GPC6: variants seen among roughly 807,000 people sequenced by gnomAD.
GPC6 encodes the protein glypican 6.
In GPC6, 14 loss-of-function variants were observed where a neutral mutation model predicts 55.2. The observed-to-expected ratio is 0.25, with a 90% CI of 0.17 to 0.40. The LOEUF is 0.40. GPC6 is among the 10% of genes least tolerant of loss of function. The pLI is 1.00. For synonymous variants in GPC6, 278 were observed against 259.6 expected (o/e 1.07, Z -0.68); for missense variants, 641 against 708.5 (o/e 0.90, Z 1.08).
intron 2 of GPC6, among the ~76,000 whole-genome samples, chr13:93,692,200 A>G (rs1331893360): frequency 6.6e-6 from 1 of 152,106 alleles, no homozygotes; most frequent in East Asian, 1.9e-4. Flanking sequence ...TGCGACCTGA[A>G]ATTACAATTT....
Position 94,401,684 on chromosome 13 carries a change from C to T in GPC6, c.1466-1331C>T, listed in dbSNP as rs189301158. Among the ~76,000 whole-genome samples the T allele has an allele frequency of 3.7e-3, 562 of 152,170 alleles. 2 individuals are homozygous for T. Among genetic ancestry groups the T allele is most frequent in the Middle Eastern group, 0.02 (6 of 294 alleles). ...AACGGGTAGTTGGATTCTAATAAAA[C>T]TTCATATATGGATGCTGAAATGTGA... On this transcript the variant is annotated intron_variant, in intron 8 of 8. Coordinates refer to ENST00000377047, the MANE Select transcript of GPC6 (RefSeq NM_005708.5).
intron 4 of GPC6, among the ~76,000 whole-genome samples, chr13:94,030,702 C>T (rs1484230387): frequency 1.3e-5 from 2 of 152,156 alleles, no homozygotes; most frequent in Non-Finnish European, 2.9e-5. Flanking sequence ...CTGTCAGTTG[C>T]ATGTACCTTC....
At chr13:93,749,182 T>A (rs982790345) in intron 2 of GPC6, among the ~76,000 whole-genome samples, 3 of 152,066 alleles carry the variant, frequency 2.0e-5, no homozygotes, top group Non-Finnish European at 4.4e-5. Context: ...TTATTATTTT[T>A]AATCCTGGAA....
intron 2 of GPC6, among the ~76,000 whole-genome samples, chr13:93,732,511 T>C (rs999243781): frequency 2.6e-4 from 39 of 152,172 alleles, no homozygotes; most frequent in Non-Finnish European, 4.6e-4. Context: ...CCAGCAGTCA[T>C]AGAGTTTTGT....
chr13:93,830,308 G>A lies in GPC6; in HGVS notation c.474G>A (p.Glu158=), dbSNP rs759835794. Residue 158 remains glutamate, a synonymous_variant, in exon 3 of 9, where the codon GAG becomes GAA. Transcript: ENST00000377047. The part of the protein sequence containing the change: ...RYYTGGNVNL[E]EMLNDFWARL... ...ACACTGGGGGTAATGTGAATCTGGA[G>A]GAAATGCTCAATGACTTTTGGGCTC... is the stretch of plus-strand genomic sequence containing the variant. 2.5e-6 allele frequency: 4 copies of A among 1,614,046 alleles called. No individual in the cohort carries two copies. In the Admixed American group the frequency reaches 6.7e-5, roughly 27 times the overall value.
chr13:93,377,010 A>C (rs181507090), intron 1 of GPC6, among the ~76,000 whole-genome samples: 4 of 152,300 alleles, frequency 2.6e-5, no homozygotes, highest in Admixed American at 1.3e-4. Flanking sequence ...TTATGTTCTG[A>C]AATCTTGCCT....
chr13:94,032,796 A>G (rs1466581474), intron 4 of GPC6, among the ~76,000 whole-genome samples: 1 of 152,202 alleles, frequency 6.6e-6, no homozygotes, highest in Non-Finnish European at 1.5e-5. Context: ...CTTCTTTTCA[A>G]ACTTGCCAAT....
intron 2 of GPC6, among the ~76,000 whole-genome samples, chr13:93,553,709 A>C (rs1260079062): frequency 6.6e-5 from 10 of 150,754 alleles, no homozygotes; most frequent in Non-Finnish European, 4.4e-5. Flanking sequence ...AAAAAAAAAA[A>C]AAAAAAAGGA....
rs1410005061 is a variant in GPC6, at chr13:93,353,297, C to T, written c.160+125681C>T. Among the ~76,000 whole-genome samples the T allele has an allele frequency of 3.9e-5, 6 of 152,218 alleles. No homozygotes were observed. In the East Asian group the frequency reaches 1.2e-3, roughly 29 times the overall value. On this transcript the variant is annotated intron_variant, in intron 1 of 8. Coordinates refer to ENST00000377047, the MANE Select transcript of GPC6 (RefSeq NM_005708.5). ...TAGATGCCTTCACCTGGAGGAGTAG[C>T]TAGAAAACAGTGAGTCTGAGGACTG...
Position 93,337,556 on chromosome 13 carries a change from G to A in GPC6, c.160+109940G>A, listed in dbSNP as rs144455495. Among the ~76,000 whole-genome samples, 17 of 152,090 alleles carry A rather than the reference G, an allele frequency of 1.1e-4. No homozygotes were observed. The East Asian group carries it at 1.2e-3, about 10-fold the overall frequency. On this transcript the variant is annotated intron_variant, in intron 1 of 8. Transcript: ENST00000377047. ...CGAGATATTCAATAATTTGTCTAAGGCCATATAGACAGGATATGGTAGAGG... is the reference window on the plus strand; with the variant it reads ...CGAGATATTCAATAATTTGTCTAAGACCATATAGACAGGATATGGTAGAGG...
intron 1 of GPC6, among the ~76,000 whole-genome samples, chr13:93,472,492 C>T (rs11617476): frequency 0.15 from 22,160 of 152,214 alleles, 1,846 homozygotes; most frequent in Non-Finnish European, 0.19. Context: ...GCATGGGCGC[C>T]GGCTCTCCAA....
chr13:93,853,864 A>G (rs1218588235), intron 3 of GPC6, among the ~76,000 whole-genome samples: 3 of 151,712 alleles, frequency 2.0e-5, no homozygotes, highest in Non-Finnish European at 4.4e-5. Flanking sequence ...TATGAACACT[A>G]TTAAAATTCA....
chr13:94,322,964 G>T (rs1468638497), intron 6 of GPC6, among the ~76,000 whole-genome samples: 1 of 152,118 alleles, frequency 6.6e-6, no homozygotes, highest in Non-Finnish European at 1.5e-5. Context: ...TGTGTATTTT[G>T]TTTCATTTAT....
Position 93,227,103 on chromosome 13 carries a change from T to G in GPC6, c.-354T>G. The stretch of plus-strand genomic sequence containing the variant: ...GAGCCGAGCCCGCAGCGCTCCAGGA[T>G]TCTGCGGCTCGGAACTCGGATTGCA... On this transcript the variant is annotated 5_prime_UTR_variant, in exon 1 of 9. Transcript: ENST00000377047. The surrounding 1 kb of genome is among the most constrained non-coding windows in gnomAD (Gnocchi z 4.3). 2 of 174,648 alleles carry G rather than the reference T, an allele frequency of 1.1e-5. No individual in the cohort carries two copies. Among genetic ancestry groups the G allele is most frequent in the Non-Finnish European group, 2.4e-5 (2 of 82,458 alleles). The allele number at this position is 174,648 out of a possible 1,614,324, so 10.8% of individuals were successfully genotyped here. A position where few individuals can be genotyped will look rare whatever the true frequency, so the allele number is the denominator to read the frequency against.
intron 3 of GPC6, among the ~76,000 whole-genome samples, chr13:93,900,097 C>T (rs569644608): frequency 1.6e-4 from 24 of 152,214 alleles, no homozygotes; most frequent in African/African-American, 5.5e-4. Flanking sequence ...TGATGAAATT[C>T]GTGTCCTAAA....
At chr13:93,616,521 AGAT>A (rs1594314352) in intron 2 of GPC6, among the ~76,000 whole-genome samples, 1 of 152,226 alleles carries the variant, frequency 6.6e-6, no homozygotes, top group East Asian at 1.9e-4. Context: ...GGTTCCAATT[AGAT>A]GATTAAATAC....
chr13:93,288,215 T>C (rs1400635549), intron 1 of GPC6, among the ~76,000 whole-genome samples: 1 of 152,210 alleles, frequency 6.6e-6, no homozygotes, highest in Non-Finnish European at 1.5e-5. Flanking sequence ...TGGGCTTGAA[T>C]ATATTAAAAA....
At chr13:93,953,149 T>G (rs531556011) in intron 3 of GPC6, among the ~76,000 whole-genome samples, 7 of 152,162 alleles carry the variant, frequency 4.6e-5, no homozygotes, top group African/African-American at 1.7e-4. Context: ...TGGTTTTTGA[T>G]TCTCAGAACT....
At chr13:93,644,279 C>T (rs73543552) in intron 2 of GPC6, among the ~76,000 whole-genome samples, 7,918 of 152,056 alleles carry the variant, frequency 0.052, 681 homozygotes, top group African/African-American at 0.18. Context: ...GTCATTCTCA[C>T]GACTTATCAC....
Sources: allele counts gnomAD v4.1 joint callset (sites outside exome capture counted in the v4.1 genomes callset), GRCh38; gene constraint gnomAD v4.1.1; non-coding constraint Gnocchi (gnomAD v3.1); transcripts MANE v1.5; gene names NCBI Gene and HGNC (gene_info 2026-07-23, HGNC 2026-07-21).